KITLG: variants seen among roughly 807,000 people sequenced by gnomAD.
KITLG encodes the protein c-Kit ligand.
KITLG carries 13 observed loss-of-function variants against 34.1 expected under a neutral mutation model. The ratio of observed to expected loss-of-function variants is 0.38; its 90% CI spans 0.25 to 0.61. KITLG has a LOEUF of 0.61. Among genes scored for constraint, KITLG ranks in the 20% least tolerant of loss-of-function variants. KITLG has a pLI of 0.60. For synonymous variants in KITLG, 110 were observed against 104.0 expected, an observed-to-expected ratio of 1.06 and a Z score of -0.35; for missense variants, 292 against 318.9, an observed-to-expected ratio of 0.92 and a Z score of 0.64.
chr12:88,527,257 A>G (rs1298053384), intron 3 of KITLG, among the ~76,000 whole-genome samples: 3 of 152,192 alleles, frequency 2.0e-5, no homozygotes, highest in African/African-American at 7.2e-5. Flanking sequence ...ATATAAAGAA[A>G]CAGGAATGAA....
chr12:88,568,309 ATTTATTTATTTATTTT>A (rs1158933401), intron 1 of KITLG, among the ~76,000 whole-genome samples: 1 of 45,832 alleles, frequency 2.2e-5, no homozygotes, highest in Non-Finnish European at 9.2e-5. Context: ...TTATTTATTT[ATTTATTTATTTATTTT>A]ATTTATAATA....
intron 1 of KITLG, among the ~76,000 whole-genome samples, chr12:88,556,992 C>G (rs1871117691): frequency 6.6e-6 from 1 of 152,026 alleles, no homozygotes; most frequent in African/African-American, 2.4e-5. Flanking sequence ...GGATGGACTA[C>G]AGGAGTGAAT....
Position 88,545,787 on chromosome 12 carries a change from G to A in KITLG, c.94C>T (p.Arg32Cys), listed in dbSNP as rs1870699640. Reference sequence around the variant, plus strand: ...ACGTCTTTTACATTATTAGTCACACGATTCCTGCAGATCCCTTCAGTTTTG... The same window carrying A: ...ACGTCTTTTACATTATTAGTCACACAATTCCTGCAGATCCCTTCAGTTTTG... ...LVKTEGICRN[R>C]VTNNVKDVTK... The change falls in exon 2 of 10, where the codon CGT becomes TGT. Residue 32 changes from arginine to cysteine, a missense_variant. Arg to Cys is a radical substitution (Grantham distance 180, BLOSUM62 -3). Transcript: ENST00000644744. 2.5e-6 allele frequency: 4 copies of A among 1,609,464 alleles called. No homozygotes were observed. Among genetic ancestry groups the A allele is most frequent in the African/African-American group, 1.3e-5 (1 of 74,764 alleles).
At chr12:88,500,719 T>G (rs1164751776) in intron 9 of KITLG, among the ~76,000 whole-genome samples, 8 of 152,210 alleles carry the variant, frequency 5.3e-5, no homozygotes, top group Non-Finnish European at 8.8e-5. Flanking sequence ...ACCAAGTAAA[T>G]TTTTAACTTT....
intron 2 of KITLG, among the ~76,000 whole-genome samples, chr12:88,543,230 T>A (rs1432022396): frequency 6.6e-6 from 1 of 152,120 alleles, no homozygotes; most frequent in African/African-American, 2.4e-5. Context: ...TCATTTACAT[T>A]AGGTATTTCT....
chr12:88,516,419 A>G lies in KITLG; in HGVS notation c.435T>C (p.Asn145=). The G allele has an allele frequency of 6.2e-7, 1 of 1,609,852 alleles. No individual in the cohort carries two copies. The highest frequency in any genetic ancestry group is 8.5e-7 in the Non-Finnish European group (1 of 1,177,090). The part of the protein sequence containing the change: ...FTPEEFFRIF[N]RSIDAFKDFV... Reference sequence around the variant, plus strand: ...AGTCCTTGAAGGCATCAATGGATCTATTAAAAATTCTAAAGAATTCTTCAG... The same window carrying G: ...AGTCCTTGAAGGCATCAATGGATCTGTTAAAAATTCTAAAGAATTCTTCAG... The change falls in exon 5 of 10, where the codon AAT becomes AAC. Residue 145 remains asparagine, a synonymous_variant. Transcript: ENST00000644744.
intron 3 of KITLG, among the ~76,000 whole-genome samples, chr12:88,522,914 G>A (rs1168217327): frequency 1.3e-5 from 2 of 152,110 alleles, no homozygotes; most frequent in Non-Finnish European, 2.9e-5. Flanking sequence ...CAGTGAGAAC[G>A]TTCTTTTCAC....
chr12:88,556,660 T>C (rs1871107807), intron 1 of KITLG, among the ~76,000 whole-genome samples: 1 of 152,146 alleles, frequency 6.6e-6, no homozygotes, highest in Non-Finnish European at 1.5e-5. Context: ...GATCCAGATA[T>C]GTAGGAAGAG....
At chr12:88,539,331 A>C (rs774695914) in intron 2 of KITLG, among the ~76,000 whole-genome samples, 8 of 152,112 alleles carry the variant, frequency 5.3e-5, no homozygotes, top group Non-Finnish European at 8.8e-5. Context: ...TGCTGTGCCT[A>C]TGTCAACTTT....
intron 1 of KITLG, among the ~76,000 whole-genome samples, chr12:88,576,478 A>G (rs1278883006): frequency 1.3e-5 from 2 of 152,210 alleles, no homozygotes; most frequent in African/African-American, 2.4e-5. Flanking sequence ...CAAACTGTAC[A>G]TATAGTAAGC....
intron 1 of KITLG, among the ~76,000 whole-genome samples, chr12:88,547,981 T>C (rs1425671173): frequency 6.6e-6 from 1 of 152,052 alleles, no homozygotes; most frequent in African/African-American, 2.4e-5. Flanking sequence ...TCAAAAGGTG[T>C]CAAAAGCTAT....
chr12:88,519,639 C>T (rs907537279), intron 3 of KITLG, among the ~76,000 whole-genome samples: 3 of 151,948 alleles, frequency 2.0e-5, no homozygotes, highest in Non-Finnish European at 2.9e-5. Flanking sequence ...TAATTTTTTA[C>T]AGAGACAGGC....
chr12:88,509,395 C>T (rs1869191487), intron 6 of KITLG, among the ~76,000 whole-genome samples: 1 of 152,186 alleles, frequency 6.6e-6, no homozygotes, highest in South Asian at 2.1e-4. Flanking sequence ...CTACCTAAAA[C>T]CTTTCTCAGG....
At chr12:88,553,256 A>G (rs1870981666) in intron 1 of KITLG, among the ~76,000 whole-genome samples, 1 of 152,176 alleles carries the variant, frequency 6.6e-6, no homozygotes, top group Non-Finnish European at 1.5e-5. Flanking sequence ...TCAACAAAAT[A>G]TTTATCTTTG....
At chr12:88,544,227 G>T (rs1439734667) in intron 2 of KITLG, among the ~76,000 whole-genome samples, 1 of 151,996 alleles carries the variant, frequency 6.6e-6, no homozygotes, top group Non-Finnish European at 1.5e-5. Context: ...TATGTGCTAG[G>T]CACTGTGCTC....
chr12:88,541,433 G>A (rs1440447682), intron 2 of KITLG, among the ~76,000 whole-genome samples: 1 of 152,134 alleles, frequency 6.6e-6, no homozygotes, highest in East Asian at 1.9e-4. Context: ...AAATCATATT[G>A]AGTTAAATTG....
chr12:88,545,912 G>T, intron 1 of KITLG, 47 bp from the exon 2 acceptor site: 1 of 1,136,538 alleles, frequency 8.8e-7, no homozygotes, highest in Non-Finnish European at 1.3e-6. Context: ...GTTAAGATCT[G>T]TAATCATTCA....
chr12:88,496,413 G>C lies in KITLG; in HGVS notation c.*806C>G, dbSNP rs1868643359. On this transcript the variant is annotated 3_prime_UTR_variant, in exon 10 of 10. Coordinates refer to ENST00000644744, the MANE Select transcript of KITLG (RefSeq NM_000899.5). The stretch of plus-strand genomic sequence containing the variant: ...ACACCCTATAGTGGTCAAGGGAAAA[G>C]GCGGACTTTCCCAGGATGCCAATGT... 1.3e-5 allele frequency: 2 copies of C among 152,162 alleles called. No homozygotes were observed. Among genetic ancestry groups the C allele is most frequent in the Admixed American group, 1.3e-4 (2 of 15,256 alleles). 9.4% of individuals were successfully genotyped at this position (152,162 alleles called of 1,614,324 possible).
At chr12:88,566,514 G>C (rs1182465968) in intron 1 of KITLG, among the ~76,000 whole-genome samples, 1 of 152,118 alleles carries the variant, frequency 6.6e-6, no homozygotes, top group African/African-American at 2.4e-5. Flanking sequence ...AGGGGCTGAG[G>C]AAAAAGAGCA....
Sources: gnomAD v4.1 joint callset for allele counts (sites outside exome capture counted in the v4.1 genomes callset) on GRCh38, gnomAD v4.1.1 for gene constraint, MANE v1.5 for transcripts, NCBI Gene and HGNC (gene_info 2026-07-23, HGNC 2026-07-21) for gene names.